The following CACNA1E variants were observed in gnomAD, a reference collection of about 807,000 sequenced individuals.
CACNA1E encodes the protein voltage-dependent R-type calcium channel subunit alpha-1E.
Under a neutral mutation model 259.2 loss-of-function variants are expected in CACNA1E, and 40 were observed. The ratio of observed to expected loss-of-function variants is 0.15; its 90% CI spans 0.12 to 0.20. CACNA1E has a LOEUF of 0.20. Among genes scored for constraint, CACNA1E ranks in the 10% least tolerant of loss-of-function variants. The pLI is 1.00. For missense variants in CACNA1E, 1,874 were observed against 3,040.1 expected, an observed-to-expected ratio of 0.62 and a Z score of 9.02; for synonymous variants, 1,104 against 1,138.5, an observed-to-expected ratio of 0.97 and a Z score of 0.61.
At chr1:181,691,106 T>C (rs1651106901) in intron 7 of CACNA1E, among the ~76,000 whole-genome samples, 1 of 152,054 alleles carries the variant, frequency 6.6e-6, no homozygotes, top group Non-Finnish European at 1.5e-5. Flanking sequence ...AAACTCTGAC[T>C]TGACTTATTT....
At chr1:181,390,244 C>T (rs888851069) in intron 1 of CACNA1E, among the ~76,000 whole-genome samples, 4 of 152,174 alleles carry the variant, frequency 2.6e-5, no homozygotes, top group African/African-American at 7.2e-5. Context: ...CTAACCTGAC[C>T]GCCTTAGGAG....
chr1:181,728,626 G>C (rs1655142843), intron 18 of CACNA1E, among the ~76,000 whole-genome samples: 1 of 152,068 alleles, frequency 6.6e-6, no homozygotes, highest in Admixed American at 6.6e-5. Flanking sequence ...GCCCTGCACA[G>C]GTGTGTCTAC....
intron 19 of CACNA1E, among the ~76,000 whole-genome samples, chr1:181,731,821 A>G (rs1351288531): frequency 6.6e-6 from 1 of 151,968 alleles, no homozygotes; most frequent in East Asian, 1.9e-4. Flanking sequence ...CTATTGTGGA[A>G]GAGACTCCTA....
intron 6 of CACNA1E, among the ~76,000 whole-genome samples, chr1:181,611,367 A>G (rs1654736057): frequency 6.6e-6 from 1 of 150,612 alleles, no homozygotes; most frequent in African/African-American, 2.4e-5. Flanking sequence ...TTCTAATTTC[A>G]GTTACTTCCA....
At chr1:181,363,902 T>A (rs1169256984) in intron 1 of CACNA1E, among the ~76,000 whole-genome samples, 1 of 152,180 alleles carries the variant, frequency 6.6e-6, no homozygotes, top group Non-Finnish European at 1.5e-5. Context: ...GTATGGGATG[T>A]CTTCATCACC....
intron 2 of CACNA1E, among the ~76,000 whole-genome samples, chr1:181,446,098 C>T (rs1344754034): frequency 6.6e-6 from 1 of 152,202 alleles, no homozygotes; most frequent in Non-Finnish European, 1.5e-5. Context: ...CTTCTATGCT[C>T]ACTAGCAGGG....
chr1:181,664,046 A>T (rs1045483392), intron 7 of CACNA1E, among the ~76,000 whole-genome samples: 17 of 152,240 alleles, frequency 1.1e-4, no homozygotes, highest in Non-Finnish European at 2.9e-5. Context: ...ATTTTAGAGC[A>T]TTTGGTTTAT....
intron 22 of CACNA1E, 111 bp from the exon 23 acceptor site, chr1:181,737,414 T>C: frequency 7.7e-7 from 1 of 1,298,444 alleles, no homozygotes; most frequent in East Asian, 2.4e-5. Context: ...CGGCTTCCTT[T>C]GGCAAGGGCC....
At chr1:181,719,251 T>C (rs938997645) in intron 12 of CACNA1E, among the ~76,000 whole-genome samples, 4 of 152,218 alleles carry the variant, frequency 2.6e-5, no homozygotes. Context: ...TTGCTGCATC[T>C]TGCAGCAATC....
chr1:181,356,288 A>T (rs570512637), intron 1 of CACNA1E, among the ~76,000 whole-genome samples: 16 of 152,132 alleles, frequency 1.1e-4, no homozygotes, highest in Non-Finnish European at 1.9e-4. Context: ...GGGGAGAAGA[A>T]AAGTAGCAGG....
intron 6 of CACNA1E, among the ~76,000 whole-genome samples, chr1:181,622,276 T>G (rs1454383760): frequency 6.6e-6 from 1 of 152,200 alleles, no homozygotes; most frequent in African/African-American, 2.4e-5. Context: ...TTTGGCTTAG[T>G]AGAGGGCTGT....
rs1210905716 is a variant in CACNA1E, at chr1:181,747,449, CATT to C, written c.3720-3026_3720-3024del. Among the ~76,000 whole-genome samples the C allele has an allele frequency of 6.1e-4, 71 of 117,330 alleles. 1 individual carries two copies. The highest frequency in any genetic ancestry group is 1.1e-3 in the African/African-American group (38 of 33,288). 77.0% of individuals were successfully genotyped at this position (117,330 alleles called of 152,430 possible). A position where few individuals can be genotyped will look rare whatever the true frequency, so the allele number is the denominator to read the frequency against. Reference sequence around the variant, plus strand: ...TACTGATGAAACAAGAAAAATCTGTCATTTTTTTTTTTTTTTTTTTACTGGAGA... The same window carrying C: ...TACTGATGAAACAAGAAAAATCTGTCTTTTTTTTTTTTTTTTTACTGGAGA... On this transcript the variant is annotated intron_variant, in intron 25 of 47. Coordinates refer to ENST00000367573, the MANE Select transcript of CACNA1E (RefSeq NM_001205293.3).
chr1:181,376,895 G>C (rs1179758739), intron 1 of CACNA1E, among the ~76,000 whole-genome samples: 1 of 152,176 alleles, frequency 6.6e-6, no homozygotes, highest in Admixed American at 6.5e-5. Context: ...GGCTGTCAGG[G>C]ATAATGTGGC....
chr1:181,643,869 A>T (rs1443814268), intron 6 of CACNA1E, among the ~76,000 whole-genome samples: 1 of 152,082 alleles, frequency 6.6e-6, no homozygotes, highest in Non-Finnish European at 1.5e-5. Flanking sequence ...AGCCTTGCTT[A>T]CTCATAACGG....
chr1:181,361,026 C>T (rs1653850403), intron 1 of CACNA1E, among the ~76,000 whole-genome samples: 2 of 152,146 alleles, frequency 1.3e-5, no homozygotes, highest in African/African-American at 4.8e-5. Flanking sequence ...TCTTAGGGAC[C>T]TAGTACATCT....
chr1:181,597,149 G>A (rs1653258208), intron 6 of CACNA1E, among the ~76,000 whole-genome samples: 1 of 152,148 alleles, frequency 6.6e-6, no homozygotes, highest in Non-Finnish European at 1.5e-5. Flanking sequence ...GAGCTTGCAT[G>A]TTCTCGACTG....
chr1:181,505,862 T>C (rs1483417265), intron 1 of CACNA1E, among the ~76,000 whole-genome samples: 1 of 152,182 alleles, frequency 6.6e-6, no homozygotes, highest in Non-Finnish European at 1.5e-5. Flanking sequence ...CATTTATCAA[T>C]TGAATATTAA....
At chr1:181,580,507 A>T in intron 5 of CACNA1E, 88 bp from the exon 6 acceptor site, 1 of 1,282,670 alleles carries the variant, frequency 7.8e-7, no homozygotes, top group Non-Finnish European at 1.1e-6. Flanking sequence ...GGGGGAATGG[A>T]ATTGCTTGCC....
chr1:181,720,965 C>T (rs1654364358), intron 15 of CACNA1E, 110 bp downstream of exon 15: 1 of 729,578 alleles, frequency 1.4e-6, no homozygotes, highest in Non-Finnish European at 2.4e-6. Flanking sequence ...CCAGGCTCCT[C>T]CCAGGGGATT....
Sources: gnomAD v4.1 joint callset for allele counts (sites outside exome capture counted in the v4.1 genomes callset) on GRCh38, gnomAD v4.1.1 for gene constraint, MANE v1.5 for transcripts, NCBI Gene and HGNC (gene_info 2026-07-23, HGNC 2026-07-21) for gene names.